ZNF385D: variants seen among roughly 807,000 people sequenced by gnomAD.
ZNF385D encodes the protein zinc finger protein 385D.
In ZNF385D, 15 loss-of-function variants were observed where a neutral mutation model predicts 35.8. The ratio of observed to expected loss-of-function variants is 0.42; its 90% CI spans 0.28 to 0.64. The LOEUF (loss-of-function observed/expected upper bound fraction) is 0.64. Ranked by LOEUF, ZNF385D falls within the 30% of genes least tolerant of loss-of-function variation. The pLI, the probability that ZNF385D is intolerant of heterozygous loss-of-function variation, is 0.23. For synonymous variants in ZNF385D, 212 were observed against 186.8 expected (o/e 1.13, Z -1.10); for missense variants, 474 against 494.6 (o/e 0.96, Z 0.39).
At chr3:21,456,827 C>G (rs1702855753) in intron 4 of ZNF385D, among the ~76,000 whole-genome samples, 1 of 152,120 alleles carries the variant, frequency 6.6e-6, no homozygotes, top group African/African-American at 2.4e-5. Flanking sequence ...GATTACTCAT[C>G]CCCTTACCAT....
intron 1 of ZNF385D, among the ~76,000 whole-genome samples, chr3:21,703,407 T>A (rs2067769551): frequency 6.6e-6 from 1 of 152,108 alleles, no homozygotes; most frequent in Admixed American, 6.5e-5. Flanking sequence ...CAGCTTGAGA[T>A]TTGGGTGGGG....
intron 3 of ZNF385D, among the ~76,000 whole-genome samples, chr3:21,532,331 C>T (rs1343978288): frequency 6.6e-6 from 1 of 152,054 alleles, no homozygotes; most frequent in East Asian, 1.9e-4. Flanking sequence ...ATTATTTATG[C>T]AACAAAATAG....
At chr3:22,140,232 A>AAT (rs1178022490) in intron 3 of ZNF385D, among the ~76,000 whole-genome samples, 1 of 152,248 alleles carries the variant, frequency 6.6e-6, no homozygotes, top group Non-Finnish European at 1.5e-5. Context: ...TATACAATGA[A>AAT]ATAATACTCA....
upstream of ZNF385D, among the ~76,000 whole-genome samples, chr3:21,753,075 T>A (rs2070178654): frequency 1.3e-5 from 2 of 152,190 alleles, no homozygotes; most frequent in African/African-American, 4.8e-5. Context: ...ACTACCTTAA[T>A]CATTAATAAC....
chr3:22,189,749 C>G (rs1157421193), intron 2 of ZNF385D, among the ~76,000 whole-genome samples: 1 of 151,990 alleles, frequency 6.6e-6, no homozygotes, highest in African/African-American at 2.4e-5. Flanking sequence ...AACAATAAGC[C>G]AAATTTAAAT....
At position 21,670,659 on chromosome 3, in the gene ZNF385D, C is replaced by T. The variant is rs149345021; in HGVS notation, c.23-5631G>A. ...AATGAAATCCTAAGGCGCCCCCCCC[C>T]CCCCCCCCCCCCCCAATGACTGAAC... On this transcript the variant is annotated intron_variant, in intron 1 of 7. Coordinates refer to ENST00000281523, the MANE Select transcript of ZNF385D (RefSeq NM_024697.3). Among the ~76,000 whole-genome samples, 34 of 18,710 alleles carry T rather than the reference C, an allele frequency of 1.8e-3. 9 individuals carry two copies. The highest frequency in any genetic ancestry group is 8.4e-3 in the African/African-American group (33 of 3,920). 12.3% of individuals were successfully genotyped at this position (18,710 alleles called of 152,430 possible).
intron 3 of ZNF385D, among the ~76,000 whole-genome samples, chr3:22,089,904 T>C (rs530684352): frequency 2.0e-5 from 3 of 152,170 alleles, no homozygotes; most frequent in Admixed American, 6.5e-5. Context: ...AGTGGCATGA[T>C]CTTGGCTCAC....
chr3:21,791,342 C>G (rs1042799628), intron 3 of ZNF385D, among the ~76,000 whole-genome samples: 1 of 152,110 alleles, frequency 6.6e-6, no homozygotes, highest in Admixed American at 6.5e-5. Context: ...AAGAAACAAA[C>G]ATAAAATATG....
chr3:22,010,900 C>A (rs967503138), intron 3 of ZNF385D, among the ~76,000 whole-genome samples: 1 of 151,914 alleles, frequency 6.6e-6, no homozygotes, highest in African/African-American at 2.4e-5. Flanking sequence ...TCCCTTTTTC[C>A]TCCCATCCTC....
intron 3 of ZNF385D, among the ~76,000 whole-genome samples, chr3:21,925,001 A>T (rs1193896369): frequency 6.6e-6 from 1 of 152,120 alleles, no homozygotes; most frequent in African/African-American, 2.4e-5. Flanking sequence ...AAACAATGAT[A>T]AAAAAAGAGA....
intron 2 of ZNF385D, among the ~76,000 whole-genome samples, chr3:22,372,225 T>C (rs1696942994): frequency 6.6e-6 from 1 of 152,014 alleles, no homozygotes; most frequent in Admixed American, 6.5e-5. Context: ...CTCACATCTC[T>C]TCTCCTTGGC....
intron 2 of ZNF385D, among the ~76,000 whole-genome samples, chr3:22,178,877 C>A (rs1224524617): frequency 6.6e-6 from 1 of 152,110 alleles, no homozygotes; most frequent in Non-Finnish European, 1.5e-5. Context: ...CCAGGTTTGT[C>A]AAAGATCAGA....
At chr3:21,862,973 C>T (rs1004366371) in intron 3 of ZNF385D, among the ~76,000 whole-genome samples, 1 of 152,102 alleles carries the variant, frequency 6.6e-6, no homozygotes, top group Admixed American at 6.6e-5. Flanking sequence ...TCCACTTACC[C>T]CTCCTTTTCT....
chr3:21,692,318 A>G (rs918010029), intron 1 of ZNF385D, among the ~76,000 whole-genome samples: 2 of 152,146 alleles, frequency 1.3e-5, no homozygotes, highest in Non-Finnish European at 2.9e-5. Context: ...TTTTCCCACT[A>G]CATTCCTGAC....
intron 4 of ZNF385D, among the ~76,000 whole-genome samples, chr3:21,493,187 TAAC>T (rs1705562593): frequency 1.3e-5 from 2 of 151,990 alleles, no homozygotes; most frequent in African/African-American, 4.8e-5. Context: ...TAACTGAAAA[TAAC>T]AAGAAGGCAG....
intron 1 of ZNF385D, among the ~76,000 whole-genome samples, chr3:21,712,898 T>C (rs1434442155): frequency 6.6e-6 from 1 of 152,230 alleles, no homozygotes; most frequent in Non-Finnish European, 1.5e-5. Flanking sequence ...AACAGACTCC[T>C]AACTGGCTTT....
intron 3 of ZNF385D, among the ~76,000 whole-genome samples, chr3:21,908,708 G>A (rs1272640332): frequency 6.6e-6 from 1 of 151,792 alleles, no homozygotes; most frequent in Non-Finnish European, 1.5e-5. Context: ...AAACAGCATG[G>A]GCAAAGTTCT....
chr3:22,144,029 G>T (rs1342068623), intron 3 of ZNF385D, among the ~76,000 whole-genome samples: 1 of 151,560 alleles, frequency 6.6e-6, no homozygotes, highest in East Asian at 1.9e-4. Flanking sequence ...GCATTTTATA[G>T]AAAGACTGAC....
chr3:22,270,703 G>T (rs60734125), intron 2 of ZNF385D, among the ~76,000 whole-genome samples: 8,238 of 151,954 alleles, frequency 0.054, 391 homozygotes, highest in African/African-American at 0.12. Flanking sequence ...TAGATGATTT[G>T]TGCTTTTTTT....
Sources: gnomAD v4.1 joint callset for allele counts (sites outside exome capture counted in the v4.1 genomes callset) on GRCh38, gnomAD v4.1.1 for gene constraint, MANE v1.5 for transcripts, NCBI Gene and HGNC (gene_info 2026-07-23, HGNC 2026-07-21) for gene names.